Variants in ZBTB43 observed in about 807,000 individuals in gnomAD.
The protein encoded by ZBTB43 is zinc finger and BTB domain-containing protein 43.
Under a neutral mutation model 31.1 loss-of-function variants are expected in ZBTB43, and 6 were observed. The observed-to-expected ratio is 0.19, with a 90% confidence interval of 0.11 to 0.38. The LOEUF (loss-of-function observed/expected upper bound fraction) is 0.38, where lower values mean the gene tolerates loss of function less well. Ranked by LOEUF, ZBTB43 falls within the 10% of genes least tolerant of loss-of-function variation. The pLI is 1.00. For missense variants in ZBTB43, 379 were observed against 602.1 expected (o/e 0.63, Z 3.88); for synonymous variants, 212 against 221.7 (o/e 0.96, Z 0.39).
intron 2 of ZBTB43, chr9:126,831,798 A>C (rs2119167724): frequency 6.7e-6 from 1 of 148,226 alleles, no homozygotes; most frequent in Admixed American, 6.7e-5. Context: ...TAAAAATACA[A>C]AAAAAAAAAA....
At chr9:126,806,118 G>A (rs2032122344) in intron 1 of ZBTB43, among the ~76,000 whole-genome samples, 1 of 152,154 alleles carries the variant, frequency 6.6e-6, no homozygotes, top group Admixed American at 6.5e-5. Context: ...CTTCCCAAAT[G>A]CCTTCGCTCT....
intron 2 of ZBTB43, chr9:126,831,308 A>G (rs1437841235): frequency 6.6e-6 from 1 of 151,984 alleles, no homozygotes; most frequent in Non-Finnish European, 1.5e-5. Context: ...CCTCACCACA[A>G]CCTGTCAAAT....
intron 2 of ZBTB43, among the ~76,000 whole-genome samples, chr9:126,815,396 T>C (rs999722736): frequency 5.4e-5 from 8 of 148,876 alleles, no homozygotes; most frequent in Non-Finnish European, 1.2e-4. Context: ...TCTGATAGCT[T>C]ATCACATAAA....
rs1011824513 is a variant in ZBTB43, at chr9:126,835,641, A to G, written c.*1728A>G. 1.2e-5 allele frequency: 2 copies of G among 167,076 alleles called. No individual in the cohort carries two copies. Among genetic ancestry groups the G allele is most frequent in the Non-Finnish European group, 2.9e-5 (2 of 68,124 alleles). 10.3% of individuals were successfully genotyped at this position (167,076 alleles called of 1,614,324 possible). A position where few individuals can be genotyped will look rare whatever the true frequency, so the allele number is the denominator to read the frequency against. On this transcript the variant is annotated 3_prime_UTR_variant, in exon 3 of 3. Coordinates refer to ENST00000373464, the MANE Select transcript of ZBTB43 (RefSeq NM_014007.4). The stretch of plus-strand genomic sequence containing the variant: ...AGTTAACTCTTGTAAGCAAGATTAC[A>G]AACAGGGATTTATTCACAACACTGT...
At position 126,833,286 on chromosome 9, in the gene ZBTB43, T is replaced by G. The variant is rs147671798; in HGVS notation, c.777T>G (p.Asp259Glu). 2.5e-5 allele frequency: 40 copies of G among 1,613,388 alleles called. No homozygotes were observed. The African/African-American group carries it at 5.3e-4, about 22-fold the overall frequency. The change falls in exon 3 of 3, where the codon GAT becomes GAG. Residue 259 changes from aspartate to glutamate, a missense_variant. By Grantham distance (45) the Asp-to-Glu change is conservative. This residue lies in a region of ZBTB43 where 253 missense variants were observed against 322.3 expected (regional missense o/e 0.79). Transcript: ENST00000373464. The surrounding 1 kb of genome is among the most constrained non-coding windows in gnomAD (Gnocchi z 7.9). Reference protein sequence around the residue: ...ERLEQACEGMDVHATYDEHQV... With the variant: ...ERLEQACEGMEVHATYDEHQV... The stretch of plus-strand genomic sequence containing the variant: ...TAGAACAGGCTTGCGAGGGCATGGA[T>G]GTGCACGCGACCTACGACGAGCACC...
rs376573820 is a variant in ZBTB43, at chr9:126,836,722, C to T, written c.*2809C>T. 3.0e-5 allele frequency: 5 copies of T among 167,168 alleles called. No individual in the cohort carries two copies. Among genetic ancestry groups the T allele is most frequent in the African/African-American group, 1.2e-4 (5 of 41,552 alleles). 10.4% of individuals were successfully genotyped at this position (167,168 alleles called of 1,614,324 possible). A position where few individuals can be genotyped will look rare whatever the true frequency, so the allele number is the denominator to read the frequency against. On this transcript the variant is annotated 3_prime_UTR_variant, in exon 3 of 3. Coordinates refer to ENST00000373464, the MANE Select transcript of ZBTB43 (RefSeq NM_014007.4). ...ATCACGTCAATGGCCTACAACCAAGCTATTTGTCCCCTACTTTGAGTCTTA... is the reference window on the plus strand; with the variant it reads ...ATCACGTCAATGGCCTACAACCAAGTTATTTGTCCCCTACTTTGAGTCTTA...
rs1474304839 is a variant in ZBTB43, at chr9:126,833,683, A to G, written c.1174A>G (p.Ser392Gly). 3 of 1,608,268 alleles carry G rather than the reference A, an allele frequency of 1.9e-6. No individual in the cohort carries two copies. Among genetic ancestry groups the G allele is most frequent in the Non-Finnish European group, 2.6e-6 (3 of 1,174,964 alleles). The change falls in exon 3 of 3, where the codon AGC (serine) becomes GGC (glycine). Residue 392 changes from serine to glycine, a missense_variant. Physicochemically the swap from Ser to Gly is moderately conservative, Grantham distance 56. This residue lies in a region of ZBTB43 where 23 missense variants were observed against 105.1 expected (regional missense o/e 0.22). Coordinates refer to ENST00000373464, the MANE Select transcript of ZBTB43 (RefSeq NM_014007.4). The surrounding 1 kb of genome is among the most constrained non-coding windows in gnomAD (Gnocchi z 7.9). ...CAAGAGTCAGAGAGATCGGCACATGAGCATGCACCTCGGTCTTCGGCCTTA... is the reference window on the plus strand; with the variant it reads ...CAAGAGTCAGAGAGATCGGCACATGGGCATGCACCTCGGTCTTCGGCCTTA... ...THKSQRDRHM[S>G]MHLGLRPYGC... is the part of the protein sequence containing the mutation.
At chr9:126,805,474 G>A (rs907823404) in intron 1 of ZBTB43, among the ~76,000 whole-genome samples, 1 of 152,230 alleles carries the variant, frequency 6.6e-6, no homozygotes, top group Non-Finnish European at 1.5e-5. Flanking sequence ...GGGTGGGCGC[G>A]GCTTGACGAC....
At chr9:126,823,079 A>G (rs1403636610) in intron 2 of ZBTB43, among the ~76,000 whole-genome samples, 1 of 152,134 alleles carries the variant, frequency 6.6e-6, no homozygotes, top group Admixed American at 6.5e-5. Context: ...TGAACCAACA[A>G]TATCTCTGAG....
chr9:126,824,022 C>T (rs2032573131), intron 2 of ZBTB43, among the ~76,000 whole-genome samples: 1 of 151,854 alleles, frequency 6.6e-6, no homozygotes, highest in South Asian at 2.1e-4. Flanking sequence ...ACCAAAAGTA[C>T]AACAATGATG....
Position 126,837,003 on chromosome 9 carries a change from C to G in ZBTB43, c.*3090C>G, listed in dbSNP as rs980804048. The G allele has an allele frequency of 1.3e-5, 2 of 153,530 alleles. No homozygotes were observed. Among genetic ancestry groups the G allele is most frequent in the East Asian group, 3.9e-4 (2 of 5,146 alleles). 9.5% of individuals were successfully genotyped at this position (153,530 alleles called of 1,614,324 possible). ...CCTGTAATCCCAGCTACTCGGGAGG[C>G]GGAGGCAGGAGAATCACTTGAACCT... On this transcript the variant is annotated 3_prime_UTR_variant, in exon 3 of 3. Coordinates refer to ENST00000373464, the MANE Select transcript of ZBTB43 (RefSeq NM_014007.4).
chr9:126,814,034 A>G (rs1334095222), intron 2 of ZBTB43, among the ~76,000 whole-genome samples: 1 of 152,190 alleles, frequency 6.6e-6, no homozygotes, highest in Admixed American at 6.5e-5. Context: ...TAGAGTATAT[A>G]GGTATTGCAT....
rs539329783 is a variant in ZBTB43, at chr9:126,811,154, G to A, written c.-24+2239G>A. ...GGAGAATCGCTTGAACCTGGGAGGC[G>A]GAGGTTACAGTGAGCTGAAGTGGCA... is the stretch of plus-strand genomic sequence containing the variant. On this transcript the variant is annotated intron_variant, in intron 2 of 2. Coordinates refer to ENST00000373464, the MANE Select transcript of ZBTB43 (RefSeq NM_014007.4). Among the ~76,000 whole-genome samples the A allele has an allele frequency of 4.0e-4, 60 of 151,160 alleles. 1 individual carries two copies. Among genetic ancestry groups the A allele is most frequent in the African/African-American group, 1.2e-3 (51 of 41,170 alleles).
rs2032900828 is a variant in ZBTB43, at chr9:126,837,234, G to A, written c.*3321G>A. 6.0e-6 allele frequency: 1 copy of A among 167,224 alleles called. No homozygotes were observed. Among genetic ancestry groups the A allele is most frequent in the Non-Finnish European group, 1.5e-5 (1 of 68,116 alleles). 10.4% of individuals were successfully genotyped at this position (167,224 alleles called of 1,614,324 possible). A position where few individuals can be genotyped will look rare whatever the true frequency, so the allele number is the denominator to read the frequency against. The stretch of plus-strand genomic sequence containing the variant: ...CTGCGGTAACTTACCCTGCAGGGCT[G>A]TAGGTTGCCTGCAGGCGCTCCAGGC... On this transcript the variant is annotated 3_prime_UTR_variant, in exon 3 of 3. Transcript: ENST00000373464.
intron 2 of ZBTB43, among the ~76,000 whole-genome samples, chr9:126,817,872 A>G (rs2032425463): frequency 6.6e-6 from 1 of 152,114 alleles, no homozygotes; most frequent in Non-Finnish European, 1.5e-5. Flanking sequence ...ACAATTGCCT[A>G]TGAGTTTGTA....
At position 126,832,914 on chromosome 9, in the gene ZBTB43, T is replaced by A. The variant is rs767961190; in HGVS notation, c.405T>A (p.Asn135Lys). The A allele has an allele frequency of 8.7e-6, 14 of 1,613,892 alleles. No homozygotes were observed. The South Asian group carries it at 1.5e-4, about 18-fold the overall frequency. ...GNPTVLCQKL[N>K]HGSDHQSPSS... is the part of the protein sequence containing the mutation. ...CTACAGTCCTTTGTCAGAAGCTAAA[T>A]CATGGCAGTGACCACCAGTCACCAA... Residue 135 changes from asparagine (N) to lysine (K), a missense_variant, in exon 3 of 3, where the codon AAT becomes AAA. This residue lies in a region of ZBTB43 where 253 missense variants were observed against 322.3 expected (regional missense o/e 0.79). Transcript: ENST00000373464.
At chr9:126,820,480 C>G (rs1329156696) in intron 2 of ZBTB43, among the ~76,000 whole-genome samples, 1 of 152,178 alleles carries the variant, frequency 6.6e-6, no homozygotes, top group Non-Finnish European at 1.5e-5. Context: ...TTTAAGCCCA[C>G]TGTTGAGACC....
intron 2 of ZBTB43, among the ~76,000 whole-genome samples, chr9:126,810,415 A>G (rs2032219086): frequency 2.0e-5 from 3 of 150,744 alleles, no homozygotes; most frequent in Admixed American, 2.0e-4. Flanking sequence ...GCCAGTCTCA[A>G]ACTCCTGACC....
chr9:126,805,806 CTGTT>C (rs1379952138), intron 1 of ZBTB43, among the ~76,000 whole-genome samples: 2 of 152,182 alleles, frequency 1.3e-5, no homozygotes, highest in Admixed American at 6.5e-5. Context: ...GGCCATCTGT[CTGTT>C]TCTCTCTTTC....
Sources: allele counts gnomAD v4.1 joint callset (sites outside exome capture counted in the v4.1 genomes callset), GRCh38; gene constraint gnomAD v4.1.1; regional missense constraint gnomAD v4.1.1; non-coding constraint Gnocchi (gnomAD v3.1); transcripts MANE v1.5; gene names NCBI Gene and HGNC (gene_info 2026-07-23, HGNC 2026-07-21).